The following PTPRD variants were observed in gnomAD, a reference collection of about 807,000 sequenced individuals.
PTPRD encodes the protein protein tyrosine phosphatase receptor type D.
In PTPRD, 34 loss-of-function variants were observed where a neutral mutation model predicts 214.5. The observed-to-expected ratio is 0.16, with a 90% CI of 0.12 to 0.21. The LOEUF (loss-of-function observed/expected upper bound fraction) is 0.21. Among genes scored for constraint, PTPRD ranks in the 10% least tolerant of loss-of-function variants. The probability of loss-of-function intolerance (pLI) is 1.00; values close to 1 mark genes in which losing one functional copy is unlikely to be tolerated. For synonymous variants in PTPRD, 1,128 were observed against 845.7 expected, an observed-to-expected ratio of 1.33 and a Z score of -5.79; for missense variants, 2,545 against 2,398.7, an observed-to-expected ratio of 1.06 and a Z score of -1.27.
intron 3 of PTPRD, among the ~76,000 whole-genome samples, chr9:10,139,351 A>T (rs2098965981): frequency 6.6e-6 from 1 of 152,102 alleles, no homozygotes; most frequent in African/African-American, 2.4e-5. Context: ...AAGTAGAATT[A>T]CAAAACACTG....
At chr9:10,286,813 C>T (rs983499535) in intron 3 of PTPRD, among the ~76,000 whole-genome samples, 2 of 151,988 alleles carry the variant, frequency 1.3e-5, no homozygotes, top group Admixed American at 1.3e-4. Context: ...GTTGGCCAGG[C>T]TGGTCTTGAA....
chr9:10,159,219 C>G (rs527358516), intron 3 of PTPRD, among the ~76,000 whole-genome samples: 1 of 151,378 alleles, frequency 6.6e-6, no homozygotes, highest in South Asian at 2.1e-4. Context: ...AATGAAAATA[C>G]AAAGAAAGAA....
At position 8,445,910 on chromosome 9, in the gene PTPRD, C is replaced by A. The variant is rs377533938; in HGVS notation, c.3988+3815G>T. On this transcript the variant is annotated intron_variant, in intron 34 of 45. Coordinates refer to ENST00000381196, the MANE Select transcript of PTPRD (RefSeq NM_002839.4). ...GCCCTGAAGTACCTCTAGCTGCCAG[C>A]ACCATCAGTGACTTCAGAATGAGAA... Among the ~76,000 whole-genome samples the A allele has an allele frequency of 7.0e-4, 106 of 152,280 alleles. 1 individual carries two copies. In the South Asian group the frequency reaches 0.021, roughly 29 times the overall value.
At chr9:8,601,907 G>C (rs1377988003) in intron 14 of PTPRD, among the ~76,000 whole-genome samples, 3 of 152,132 alleles carry the variant, frequency 2.0e-5, no homozygotes, top group African/African-American at 4.8e-5. Context: ...AGGTACAAAA[G>C]GTACACAACC....
chr9:8,695,565 G>A (rs939763467), intron 12 of PTPRD, among the ~76,000 whole-genome samples: 3 of 151,646 alleles, frequency 2.0e-5, no homozygotes, highest in African/African-American at 7.3e-5. Flanking sequence ...ATATTCCAAG[G>A]AGTCATTCTC....
intron 15 of PTPRD, 139 bp from the exon 16 acceptor site, chr9:8,527,492 T>C: frequency 1.3e-6 from 1 of 775,156 alleles, no homozygotes; most frequent in Non-Finnish European, 2.1e-6. Context: ...ATTCTTCATT[T>C]ACAATAACAG....
chr9:8,654,869 T>A (rs2096879144), intron 12 of PTPRD, among the ~76,000 whole-genome samples: 1 of 152,194 alleles, frequency 6.6e-6, no homozygotes, highest in Non-Finnish European at 1.5e-5. Context: ...TGTACTAGCT[T>A]CTCAAGTTGA....
At chr9:9,440,331 C>T (rs372311441) in intron 8 of PTPRD, among the ~76,000 whole-genome samples, 8 of 152,012 alleles carry the variant, frequency 5.3e-5, no homozygotes, top group South Asian at 2.1e-4. Context: ...TTTGCTTTGT[C>T]GTGGTTTGTA....
intron 11 of PTPRD, among the ~76,000 whole-genome samples, chr9:8,988,401 T>A (rs1342492421): frequency 1.3e-5 from 2 of 152,132 alleles, no homozygotes; most frequent in African/African-American, 4.8e-5. Flanking sequence ...TAGGGCTATT[T>A]TTCTTTAAGA....
At chr9:9,533,076 G>C (rs1356382684) in intron 8 of PTPRD, among the ~76,000 whole-genome samples, 2 of 152,108 alleles carry the variant, frequency 1.3e-5, no homozygotes, top group African/African-American at 4.8e-5. Context: ...TATATAATAA[G>C]TGAGCAGCTT....
intron 11 of PTPRD, among the ~76,000 whole-genome samples, chr9:8,746,022 G>C (rs747564090): frequency 6.6e-6 from 1 of 152,082 alleles, no homozygotes; most frequent in Non-Finnish European, 1.5e-5. Flanking sequence ...TGAACTCCTG[G>C]ACTCAAAACA....
intron 3 of PTPRD, among the ~76,000 whole-genome samples, chr9:10,316,089 C>T (rs2096414447): frequency 6.8e-6 from 1 of 147,388 alleles, no homozygotes; most frequent in Admixed American, 6.8e-5. Flanking sequence ...ATATATGATG[C>T]TAAGGTAATT....
chr9:8,405,233 C>T (rs931858032), intron 35 of PTPRD, among the ~76,000 whole-genome samples: 20 of 151,824 alleles, frequency 1.3e-4, no homozygotes, highest in Non-Finnish European at 2.1e-4. Flanking sequence ...ATAGTTAACA[C>T]GAACAGTAAA....
intron 14 of PTPRD, among the ~76,000 whole-genome samples, chr9:8,550,090 T>C (rs1283483693): frequency 1.3e-5 from 2 of 152,264 alleles, no homozygotes; most frequent in East Asian, 1.9e-4. Flanking sequence ...AGAAGACTTG[T>C]TTAGTTTTTA....
chr9:8,323,925 C>G (rs1830922324), intron 44 of PTPRD, among the ~76,000 whole-genome samples: 1 of 152,128 alleles, frequency 6.6e-6, no homozygotes, highest in African/African-American at 2.4e-5. Flanking sequence ...TTGACTTTGT[C>G]ACTTAGTCAC....
Position 8,636,918 on chromosome 9 carries a change from C to A in PTPRD, c.65-74G>T, listed in dbSNP as rs1595796890. ...ACTATTATCCTACTACCGCTGCTCT[C>A]CCCACCATCCTCAACCACACCGCCA... On this transcript the variant is annotated intron_variant, in intron 12 of 45. Coordinates refer to ENST00000381196, the MANE Select transcript of PTPRD (RefSeq NM_002839.4). The A allele has an allele frequency of 4.1e-6, 6 of 1,458,088 alleles. No homozygotes were observed. The East Asian group carries it at 1.4e-4, about 34-fold the overall frequency. The allele number at this position is 1,458,088 out of a possible 1,614,324, so 90.3% of individuals were successfully genotyped here. A position where few individuals can be genotyped will look rare whatever the true frequency, so the allele number is the denominator to read the frequency against.
At chr9:10,433,419 C>T (rs1447627432) in intron 2 of PTPRD, among the ~76,000 whole-genome samples, 1 of 152,000 alleles carries the variant, frequency 6.6e-6, no homozygotes, top group African/African-American at 2.4e-5. Flanking sequence ...GTTCAAGGGA[C>T]TCCTACACTG....
chr9:9,633,230 G>A (rs568830815), intron 7 of PTPRD, among the ~76,000 whole-genome samples: 1 of 152,074 alleles, frequency 6.6e-6, no homozygotes, highest in Non-Finnish European at 1.5e-5. Flanking sequence ...GGGAGGCGGA[G>A]GTTGAAGTAA....
At position 9,380,998 on chromosome 9, in the gene PTPRD, G is replaced by C. The variant is rs575287595; in HGVS notation, c.-203+16451C>G. On this transcript the variant is annotated intron_variant, in intron 9 of 45. Transcript: ENST00000381196. The stretch of plus-strand genomic sequence containing the variant: ...TCTGCTTTGTCTGAAACTAATAATA[G>C]CTATTCGTATTTCTTTTGCTTAGTG... Among the ~76,000 whole-genome samples the C allele has an allele frequency of 2.4e-4, 37 of 152,094 alleles. No individual in the cohort carries two copies. The East Asian group carries it at 2.7e-3, about 11-fold the overall frequency.
Sources: gnomAD v4.1 joint callset for allele counts (sites outside exome capture counted in the v4.1 genomes callset) on GRCh38, gnomAD v4.1.1 for gene constraint, MANE v1.5 for transcripts, NCBI Gene and HGNC (gene_info 2026-07-23, HGNC 2026-07-21) for gene names.